SMNDC1: variants seen among roughly 807,000 people sequenced by gnomAD.
The protein encoded by SMNDC1 is survival of motor neuron-related-splicing factor 30.
Under a neutral mutation model 29.2 loss-of-function variants are expected in SMNDC1, and 5 were observed. The observed-to-expected ratio is 0.17, with a 90% CI of 0.09 to 0.36. The LOEUF (loss-of-function observed/expected upper bound fraction) is 0.36. SMNDC1 is among the 10% of genes least tolerant of loss of function. The pLI is 1.00. For missense variants in SMNDC1, 142 were observed against 268.5 expected, an observed-to-expected ratio of 0.53 and a Z score of 3.29; for synonymous variants, 80 against 89.9, an observed-to-expected ratio of 0.89 and a Z score of 0.62.
chr10:110,297,800 T>C (rs1316650211), intron 3 of SMNDC1, 72 bp from the exon 4 acceptor site: 10 of 1,299,720 alleles, frequency 7.7e-6, no homozygotes, highest in Admixed American at 2.6e-5. Flanking sequence ...TATACTGTAG[T>C]GATAAAATTA....
intron 2 of SMNDC1, among the ~76,000 whole-genome samples, chr10:110,299,098 T>C (rs1228968139): frequency 6.6e-6 from 1 of 152,226 alleles, no homozygotes. Context: ...TTTAGCTGAA[T>C]AGATCTCTCT....
At position 110,291,977 on chromosome 10, in the gene SMNDC1, CCTTT is replaced by C. The variant is rs1397259121; in HGVS notation, c.*2169_*2172del. 1 of 152,204 alleles carries C rather than the reference CCTTT, an allele frequency of 6.6e-6. No individual in the cohort carries two copies. Among genetic ancestry groups the C allele is most frequent in the Non-Finnish European group, 1.5e-5 (1 of 68,028 alleles). 9.4% of individuals were successfully genotyped at this position (152,204 alleles called of 1,614,324 possible). A position where few individuals can be genotyped will look rare whatever the true frequency, so the allele number is the denominator to read the frequency against. On this transcript the variant is annotated 3_prime_UTR_variant, in exon 6 of 6. Transcript: ENST00000369603. ...GTCACAGTTTCAAAGCTTCAAGTCT[CCTTT>C]CTTAATGGGGAAAACTCTACATTAA...
At chr10:110,296,295 GA>G (rs1209321541) in intron 4 of SMNDC1, among the ~76,000 whole-genome samples, 5 of 152,058 alleles carry the variant, frequency 3.3e-5, no homozygotes, top group Non-Finnish European at 7.4e-5. Context: ...AGGATGAAAA[GA>G]AAGATCCTTA....
intron 2 of SMNDC1, among the ~76,000 whole-genome samples, chr10:110,302,723 A>T (rs1857672279): frequency 6.6e-6 from 1 of 152,228 alleles, no homozygotes; most frequent in Non-Finnish European, 1.5e-5. Context: ...CAAATTATAT[A>T]TGGCATTTTT....
chr10:110,291,884 G>A lies in SMNDC1; in HGVS notation c.*2266C>T, dbSNP rs1857503957. ...AATGGTAACAACAGTCAAACGTCAAGCTTTGGTAAGTTACATGCAACCATT... is the reference window on the plus strand; with the variant it reads ...AATGGTAACAACAGTCAAACGTCAAACTTTGGTAAGTTACATGCAACCATT... On this transcript the variant is annotated 3_prime_UTR_variant, in exon 6 of 6. Transcript: ENST00000369603. 1 of 152,152 alleles carries A rather than the reference G, an allele frequency of 6.6e-6. No homozygotes were observed. Among genetic ancestry groups the A allele is most frequent in the African/African-American group, 2.4e-5 (1 of 41,434 alleles). The allele number at this position is 152,152 out of a possible 1,614,324, so 9.4% of individuals were successfully genotyped here.
In SMNDC1 at chr10:110,303,592, G is replaced by A. The variant is rs992477347; in HGVS notation, c.1-5C>T. On this transcript the variant is annotated splice_polypyrimidine_tract_variant and splice_region_variant and intron_variant, in intron 1 of 5. Coordinates refer to ENST00000369603, the MANE Select transcript of SMNDC1 (RefSeq NM_005871.4). ...CTTTGCTAAATCCTCTGACATCTAG[G>A]GAAAATAAAAAGGGTTAGACCATGA... 1.9e-6 allele frequency: 3 copies of A among 1,573,824 alleles called. No homozygotes were observed. The highest frequency in any genetic ancestry group is 2.4e-5 in the East Asian group (1 of 42,262).
intron 3 of SMNDC1, 60 bp from the exon 4 acceptor site, chr10:110,297,788 C>T: frequency 6.9e-7 from 1 of 1,444,304 alleles, no homozygotes; most frequent in Non-Finnish European, 9.5e-7. Context: ...GCCTACAAGA[C>T]TTATACTGTA....
chr10:110,295,331 T>C lies in SMNDC1; in HGVS notation c.476A>G (p.Lys159Arg). Reference protein sequence around the residue: ...QREYKKKKALKKAQRIKELEQ... With the variant: ...QREYKKKKALRKAQRIKELEQ... The stretch of plus-strand genomic sequence containing the variant: ...AAGTTCTTTTATTCTCTGAGCTTTT[T>C]TCAAAGCTTTCTTCTTTTTATATTC... The change falls in exon 5 of 6, where the codon AAA becomes AGA. Residue 159 changes from lysine (K) to arginine (R), a missense_variant. Lys to Arg is a conservative substitution (Grantham distance 26). This residue lies in a region of SMNDC1 where 54 missense variants were observed against 152.1 expected (regional missense o/e 0.36). Transcript: ENST00000369603. The C allele has an allele frequency of 1.2e-6, 2 of 1,606,088 alleles. No homozygotes were observed. Among genetic ancestry groups the C allele is most frequent in the Non-Finnish European group, 1.7e-6 (2 of 1,178,026 alleles).
chr10:110,301,534 C>T (rs978150842), intron 2 of SMNDC1, among the ~76,000 whole-genome samples: 1 of 152,194 alleles, frequency 6.6e-6, no homozygotes, highest in Non-Finnish European at 1.5e-5. Flanking sequence ...AAAACTTGCA[C>T]TTCTAAATCC....
At chr10:110,301,362 T>G (rs905223984) in intron 2 of SMNDC1, among the ~76,000 whole-genome samples, 2 of 140,560 alleles carry the variant, frequency 1.4e-5, no homozygotes. Flanking sequence ...TTCAGAGTAT[T>G]ACCTCATCTT....
intron 2 of SMNDC1, among the ~76,000 whole-genome samples, chr10:110,303,242 T>C (rs2134505505): frequency 6.6e-6 from 1 of 152,356 alleles, no homozygotes; most frequent in East Asian, 1.9e-4. Flanking sequence ...TTTTAAAAAT[T>C]ATGTAAGCAC....
At chr10:110,297,209 A>C (rs1445464466) in intron 4 of SMNDC1, among the ~76,000 whole-genome samples, 3 of 152,208 alleles carry the variant, frequency 2.0e-5, no homozygotes, top group Non-Finnish European at 4.4e-5. Flanking sequence ...ACACTGTACT[A>C]TTAAAGCACT....
intron 2 of SMNDC1, among the ~76,000 whole-genome samples, chr10:110,300,060 C>G (rs1188203154): frequency 1.3e-5 from 2 of 152,124 alleles, no homozygotes; most frequent in African/African-American, 4.8e-5. Context: ...AAGTAGTACA[C>G]AACAGAAGAG....
At chr10:110,297,900 T>C (rs1222444047) in intron 3 of SMNDC1, among the ~76,000 whole-genome samples, 172 bp from the exon 4 acceptor site, 1 of 152,200 alleles carries the variant, frequency 6.6e-6, no homozygotes, top group African/African-American at 2.4e-5. Context: ...TTATCTGCTA[T>C]CAAAAAAGGA....
Position 110,294,978 on chromosome 10 carries a change from TA to T in SMNDC1, c.579+249del, listed in dbSNP as rs1323800042. ...AAGTAGCAACTATTTTTTCAAATAT[TA>T]GTTTATAGAAGGAAAAGAACATAGA... is the stretch of plus-strand genomic sequence containing the variant. On this transcript the variant is annotated intron_variant, in intron 5 of 5. Coordinates refer to ENST00000369603, the MANE Select transcript of SMNDC1 (RefSeq NM_005871.4). 3.9e-5 allele frequency among the ~76,000 whole-genome samples: 6 copies of T among 152,334 alleles called. No individual in the cohort carries two copies. In the East Asian group the frequency reaches 1.2e-3, roughly 29 times the overall value.
At position 110,293,893 on chromosome 10, in the gene SMNDC1, G is replaced by C. The variant is rs969507009; in HGVS notation, c.*257C>G. On this transcript the variant is annotated 3_prime_UTR_variant, in exon 6 of 6. Transcript: ENST00000369603. ...TTAGGAAGATCAATAATTCATCTAA[G>C]TGCTGTATGAAACAGCATCTACAAA... is the stretch of plus-strand genomic sequence containing the variant. The C allele has an allele frequency of 7.3e-6, 2 of 274,078 alleles. No individual in the cohort carries two copies. The highest frequency in any genetic ancestry group is 1.4e-5 in the Non-Finnish European group (2 of 146,564). 17.0% of individuals were successfully genotyped at this position (274,078 alleles called of 1,614,324 possible). A position where few individuals can be genotyped will look rare whatever the true frequency, so the allele number is the denominator to read the frequency against.
At chr10:110,301,680 C>T (rs1857651213) in intron 2 of SMNDC1, among the ~76,000 whole-genome samples, 1 of 152,144 alleles carries the variant, frequency 6.6e-6, no homozygotes, top group Non-Finnish European at 1.5e-5. Flanking sequence ...AGATATAGAA[C>T]ATTTCCATCA....
intron 2 of SMNDC1, among the ~76,000 whole-genome samples, chr10:110,299,141 TTAGA>T (rs1367466073): frequency 6.6e-6 from 1 of 152,228 alleles, no homozygotes; most frequent in Non-Finnish European, 1.5e-5. Context: ...AGGCACTGAA[TTAGA>T]TACTCTTATT....
chr10:110,300,598 C>A, intron 2 of SMNDC1: 1 of 985,370 alleles, frequency 1.0e-6, no homozygotes, highest in Non-Finnish European at 1.2e-6. Context: ...GCTCCTTCAT[C>A]GACAGATGGG....
Sources: allele counts gnomAD v4.1 joint callset (sites outside exome capture counted in the v4.1 genomes callset), GRCh38; gene constraint gnomAD v4.1.1; regional missense constraint gnomAD v4.1.1; transcripts MANE v1.5; gene names NCBI Gene and HGNC (gene_info 2026-07-23, HGNC 2026-07-21).